Variants in ZBTB8A observed in about 807,000 individuals in gnomAD.
ZBTB8A encodes the protein zinc finger and BTB domain-containing protein 8A.
Under a neutral mutation model 37.8 loss-of-function variants are expected in ZBTB8A, and 19 were observed. The ratio of observed to expected loss-of-function variants is 0.50; its 90% CI spans 0.35 to 0.74. The LOEUF (loss-of-function observed/expected upper bound fraction) is 0.74, where lower values mean the gene tolerates loss of function less well. Ranked by LOEUF, ZBTB8A falls within the 30% of genes least tolerant of loss-of-function variation. The pLI is 0.01. For synonymous variants in ZBTB8A, 181 were observed against 185.2 expected (o/e 0.98, Z 0.19); for missense variants, 394 against 537.8 (o/e 0.73, Z 2.65).
At chr1:32,595,851 T>A (rs897241521) in intron 4 of ZBTB8A, among the ~76,000 whole-genome samples, 5 of 151,262 alleles carry the variant, frequency 3.3e-5, no homozygotes, top group Admixed American at 2.0e-4. Flanking sequence ...AGAGATGGGG[T>A]TTCATCATGT....
At chr1:32,558,573 G>A (rs1175736142) in intron 2 of ZBTB8A, among the ~76,000 whole-genome samples, 2 of 152,076 alleles carry the variant, frequency 1.3e-5, no homozygotes, top group Admixed American at 6.6e-5. Flanking sequence ...TTCAACATGT[G>A]CCATTCATTT....
At chr1:32,564,334 G>T (rs1449741468) in intron 2 of ZBTB8A, among the ~76,000 whole-genome samples, 1 of 152,034 alleles carries the variant, frequency 6.6e-6, no homozygotes, top group African/African-American at 2.4e-5. Flanking sequence ...GAATTTTTAC[G>T]TTATAAGCTG....
At chr1:32,539,619 G>A (rs1387129334) in intron 1 of ZBTB8A, 47 bp downstream of exon 1, 1 of 146,114 alleles carries the variant, frequency 6.8e-6, no homozygotes, top group Non-Finnish European at 1.5e-5. Flanking sequence ...GGGCGTCGGG[G>A]CTGCCCGGGA....
At chr1:32,540,702 A>G (rs12126652) in intron 1 of ZBTB8A, among the ~76,000 whole-genome samples, 17,353 of 152,120 alleles carry the variant, frequency 0.11, 1,098 homozygotes, top group African/African-American at 0.18. Context: ...AAAATCCTCA[A>G]CAAGCTTCTG....
chr1:32,560,145 AACTC>A (rs773525454), intron 2 of ZBTB8A, among the ~76,000 whole-genome samples: 1 of 152,052 alleles, frequency 6.6e-6, no homozygotes, highest in Non-Finnish European at 1.5e-5. Context: ...ATCTCATGAG[AACTC>A]ACTCACTATA....
chr1:32,567,846 A>AAAAG (rs1644295222), intron 2 of ZBTB8A, among the ~76,000 whole-genome samples: 1 of 142,916 alleles, frequency 7.0e-6, no homozygotes, highest in East Asian at 2.2e-4. Flanking sequence ...AAAACAAAAA[A>AAAAG]AAGATATAAT....
chr1:32,561,922 G>A (rs993422527), intron 2 of ZBTB8A, among the ~76,000 whole-genome samples: 1 of 152,018 alleles, frequency 6.6e-6, no homozygotes, highest in Non-Finnish European at 1.5e-5. Flanking sequence ...GAGAGAGAGT[G>A]GAAGGAGGTG....
At chr1:32,577,257 C>T (rs545254170) in intron 2 of ZBTB8A, among the ~76,000 whole-genome samples, 5 of 151,152 alleles carry the variant, frequency 3.3e-5, no homozygotes, top group South Asian at 2.1e-4. Context: ...TGCAGTGGCG[C>T]GATCTCAGCT....
At chr1:32,556,738 G>C (rs1313116035) in intron 2 of ZBTB8A, among the ~76,000 whole-genome samples, 2 of 151,984 alleles carry the variant, frequency 1.3e-5, no homozygotes, top group Admixed American at 6.6e-5. Context: ...TTAGCCGGGC[G>C]TGGTGGCGGG....
intron 2 of ZBTB8A, among the ~76,000 whole-genome samples, chr1:32,566,415 C>T (rs1644279819): frequency 6.6e-6 from 1 of 151,796 alleles, no homozygotes; most frequent in South Asian, 2.1e-4. Context: ...GTCCCAGTTA[C>T]TCAGGAGGCT....
At chr1:32,562,554 A>C (rs929094588) in intron 2 of ZBTB8A, among the ~76,000 whole-genome samples, 15 of 136,814 alleles carry the variant, frequency 1.1e-4, no homozygotes, top group African/African-American at 4.1e-4. Flanking sequence ...TATAGGCCTG[A>C]GCCACCGCGT....
intron 1 of ZBTB8A, among the ~76,000 whole-genome samples, chr1:32,541,367 C>T (rs980253069): frequency 3.3e-5 from 5 of 152,122 alleles, no homozygotes; most frequent in Non-Finnish European, 7.4e-5. Context: ...CACCTCAGGG[C>T]CTTTGCACTT....
At position 32,595,190 on chromosome 1, in the gene ZBTB8A, C is replaced by T; in HGVS notation, c.960C>T (p.Ser320=). The change falls in exon 4 of 5, where the codon AGC becomes AGT. Residue 320 remains serine (S), a synonymous_variant. Transcript: ENST00000373510. ...YPCQACGKRF[S]RLDHLSSHFR... Reference sequence around the variant, plus strand: ...GTCAAGCTTGTGGAAAAAGATTTAGCAGGCTAGACCATCTAAGTAGCCATT... The same window carrying T: ...GTCAAGCTTGTGGAAAAAGATTTAGTAGGCTAGACCATCTAAGTAGCCATT... 3.1e-6 allele frequency: 5 copies of T among 1,614,182 alleles called. No homozygotes were observed. Among genetic ancestry groups the T allele is most frequent in the Non-Finnish European group, 3.4e-6 (4 of 1,180,022 alleles).
Position 32,595,662 on chromosome 1 carries a change from T to C in ZBTB8A, c.993+439T>C, listed in dbSNP as rs1176063268. ...TCAGCTCACTGCAGCTTTTGTTTTT[T>C]TTTTTGAGACAGGGTCTCTCTCTAT... is the stretch of plus-strand genomic sequence containing the variant. On this transcript the variant is annotated intron_variant, in intron 4 of 4. Transcript: ENST00000373510. Among the ~76,000 whole-genome samples the C allele has an allele frequency of 6.0e-5, 9 of 151,140 alleles. 1 individual carries two copies. The East Asian group carries it at 1.8e-3, about 30-fold the overall frequency.
intron 1 of ZBTB8A, among the ~76,000 whole-genome samples, chr1:32,542,807 CTT>C (rs1013425229): frequency 1.3e-5 from 2 of 152,136 alleles, no homozygotes; most frequent in African/African-American, 4.8e-5. Context: ...ATATTTAACT[CTT>C]ACAGATATTT....
chr1:32,595,813 C>G (rs1049985271), intron 4 of ZBTB8A, among the ~76,000 whole-genome samples: 4 of 151,838 alleles, frequency 2.6e-5, no homozygotes, highest in Admixed American at 2.6e-4. Context: ...ACATGCCAGG[C>G]TAATTTTTGT....
At position 32,595,006 on chromosome 1, in the gene ZBTB8A, G is replaced by A. The variant is rs754448333; in HGVS notation, c.824-48G>A. 6.7e-6 allele frequency: 10 copies of A among 1,483,576 alleles called. No individual in the cohort carries two copies. In the Admixed American group the frequency reaches 1.6e-4, roughly 24 times the overall value. 91.9% of individuals were successfully genotyped at this position (1,483,576 alleles called of 1,614,324 possible). A position where few individuals can be genotyped will look rare whatever the true frequency, so the allele number is the denominator to read the frequency against. On this transcript the variant is annotated intron_variant, in intron 3 of 4. Transcript: ENST00000373510. ...TTGGATTGGATTCTTTCTGTTATTAGAATTGTTATGAACTTTCCAGTGATT... is the reference window on the plus strand; with the variant it reads ...TTGGATTGGATTCTTTCTGTTATTAAAATTGTTATGAACTTTCCAGTGATT...
At chr1:32,546,828 TC>T (rs1320828406) in intron 1 of ZBTB8A, among the ~76,000 whole-genome samples, 4 of 152,198 alleles carry the variant, frequency 2.6e-5, no homozygotes, top group African/African-American at 9.6e-5. Flanking sequence ...CACCTTCAGT[TC>T]CCTCTGTCTC....
intron 2 of ZBTB8A, among the ~76,000 whole-genome samples, chr1:32,573,325 C>T (rs577463399): frequency 6.6e-6 from 1 of 150,812 alleles, no homozygotes; most frequent in Non-Finnish European, 1.5e-5. Context: ...CTGCCCGCCT[C>T]GGCCTCCCAA....
Sources: gnomAD v4.1 joint callset for allele counts (sites outside exome capture counted in the v4.1 genomes callset) on GRCh38, gnomAD v4.1.1 for gene constraint, MANE v1.5 for transcripts, NCBI Gene and HGNC (gene_info 2026-07-23, HGNC 2026-07-21) for gene names.